Variants in COL6A5 observed in about 807,000 individuals in gnomAD.
The protein encoded by COL6A5 is collagen alpha-5(VI) chain.
A neutral mutation model predicts 65.6 loss-of-function variants in COL6A5; 48 were observed. That is an observed-to-expected ratio of 0.73 (90% confidence interval 0.58 to 0.93). COL6A5 has a LOEUF of 0.93. Ranked by LOEUF, COL6A5 falls within the 40% of genes least tolerant of loss-of-function variation. COL6A5 has a pLI of 0.00. For missense variants in COL6A5, 914 were observed against 928.3 expected (o/e 0.98, Z 0.20); for synonymous variants, 291 against 322.8 (o/e 0.90, Z 1.05).
chr3:130,398,867 T>A lies in COL6A5; in HGVS notation c.3991+756T>A, dbSNP rs1936709497. Among the ~76,000 whole-genome samples the A allele has an allele frequency of 5.3e-5, 8 of 152,312 alleles. No homozygotes were observed. The South Asian group carries it at 1.7e-3, about 32-fold the overall frequency. On this transcript the variant is annotated intron_variant and NMD_transcript_variant, in intron 10 of 41. Transcript: ENST00000312481. ...GAGATGTATCCCTGGTTACAACATC[T>A]CCTTCCCTTTTCTGCTCTCTCAATA...
intron 2 of COL6A5, among the ~76,000 whole-genome samples, chr3:130,374,591 C>T (rs1935694147): frequency 6.6e-6 from 1 of 152,082 alleles, no homozygotes; most frequent in Admixed American, 6.5e-5. Flanking sequence ...ATAGCTGGGA[C>T]TACAAGTGCA....
chr3:130,361,198 C>G (rs1159086270), intron 1 of COL6A5, among the ~76,000 whole-genome samples: 4 of 152,030 alleles, frequency 2.6e-5, no homozygotes, highest in African/African-American at 9.7e-5. Context: ...ATGATAGGAT[C>G]AGACAGAATA....
intron 4 of COL6A5, among the ~76,000 whole-genome samples, chr3:130,449,643 G>C (rs539003060): frequency 2.1e-4 from 32 of 152,200 alleles, no homozygotes; most frequent in African/African-American, 7.5e-4. Flanking sequence ...TTTTTTCCTC[G>C]AATGTGTATG....
intron 1 of COL6A5, among the ~76,000 whole-genome samples, chr3:130,437,944 G>T (rs1474250470): frequency 6.6e-6 from 1 of 151,918 alleles, no homozygotes; most frequent in African/African-American, 2.4e-5. Context: ...TTATGTTGAT[G>T]ATATAGCTTT....
At chr3:130,389,827 T>G (rs1415731685) in intron 6 of COL6A5, among the ~76,000 whole-genome samples, 2 of 152,170 alleles carry the variant, frequency 1.3e-5, no homozygotes, top group Non-Finnish European at 2.9e-5. Context: ...TTTCTCTCAA[T>G]CCACACATAG....
chr3:130,399,845 C>G (rs1936756130), intron 10 of COL6A5, among the ~76,000 whole-genome samples: 1 of 152,000 alleles, frequency 6.6e-6, no homozygotes, highest in Admixed American at 6.6e-5. Flanking sequence ...CTCTGCCTCC[C>G]AGGTTCAAGC....
intron 7 of COL6A5, among the ~76,000 whole-genome samples, chr3:130,392,627 C>T (rs1577461237): frequency 2.0e-5 from 3 of 152,142 alleles, no homozygotes; most frequent in African/African-American, 4.8e-5. Context: ...CTCCTTTATT[C>T]CTTCCTTTCT....
intron 20 of COL6A5, among the ~76,000 whole-genome samples, chr3:130,413,314 T>G (rs1008105178): frequency 6.6e-6 from 1 of 151,902 alleles, no homozygotes; most frequent in African/African-American, 2.4e-5. Flanking sequence ...GCTGTCAGAC[T>G]GGAGCTGGGT....
At chr3:130,416,699 A>G in intron 23 of COL6A5, 58 bp from the exon 24 acceptor site, 1 of 960,694 alleles carries the variant, frequency 1.0e-6, no homozygotes. Flanking sequence ...AATGTTTCTA[A>G]TGGGCTTTCT....
chr3:130,405,620 C>A lies in COL6A5; in HGVS notation c.4314C>A (p.Asp1438Glu), dbSNP rs766345438. Residue 1438 changes from aspartate (D) to glutamate (E), a missense_variant and NMD_transcript_variant, in exon 14 of 42, where the codon GAC (aspartate) becomes GAA (glutamate). Physicochemically the swap from Asp to Glu is conservative, Grantham distance 45. Transcript: ENST00000312481. ...GAGGAGACACAGGACCCCAAGGAGA[C>A]AAAGGGATTGCAGGATGTCCAGGGG... The A allele has an allele frequency of 9.0e-6, 14 of 1,550,744 alleles. 1 individual carries two copies. In the South Asian group the frequency reaches 1.5e-4, roughly 17 times the overall value.
At chr3:130,371,745 T>G (rs905575461) in intron 1 of COL6A5, among the ~76,000 whole-genome samples, 1 of 152,106 alleles carries the variant, frequency 6.6e-6, no homozygotes, top group East Asian at 1.9e-4. Flanking sequence ...TACAAGTAAC[T>G]CTTCATGACT....
intron 13 of COL6A5, 37 bp downstream of exon 13, chr3:130,403,699 CACACACTGT>C: frequency 6.8e-7 from 1 of 1,468,556 alleles, no homozygotes; most frequent in East Asian, 2.5e-5. Context: ...CCCTGTTGCA[CACACACTGT>C]ACACACACAC....
chr3:130,384,848 G>A, exon 5 of COL6A5: 1 of 1,549,934 alleles, frequency 6.5e-7, no homozygotes, highest in Non-Finnish European at 8.7e-7. Flanking sequence ...CCTCATTGAT[G>A]GCTCAAGCAG....
At chr3:130,354,433 C>T (rs1202951252) in intron 1 of COL6A5, among the ~76,000 whole-genome samples, 1 of 152,120 alleles carries the variant, frequency 6.6e-6, no homozygotes, top group Admixed American at 6.5e-5. Context: ...ATTGGGTATG[C>T]AAAACCCCAC....
intron 7 of COL6A5, among the ~76,000 whole-genome samples, chr3:130,473,107 C>T (rs1318844338): frequency 6.6e-6 from 1 of 151,534 alleles, no homozygotes. Context: ...ATATATGGTT[C>T]TCATCAAAAT....
intron 4 of COL6A5, 90 bp downstream of exon 4, chr3:130,380,140 A>T (rs1935947206): frequency 2.1e-6 from 2 of 975,576 alleles, no homozygotes; most frequent in African/African-American, 3.3e-5. Flanking sequence ...CTGTAATTGG[A>T]TAAAGGAACT....
intron 27 of COL6A5, 41 bp from the exon 28 acceptor site, chr3:130,422,679 A>C: frequency 1.6e-6 from 2 of 1,286,592 alleles, no homozygotes; most frequent in South Asian, 2.7e-5. Context: ...CTTTCATAGC[A>C]AATACTTTAA....
chr3:130,397,963 C>G (rs558846666), intron 9 of COL6A5, 40 bp downstream of exon 9: 2 of 1,543,602 alleles, frequency 1.3e-6, no homozygotes, highest in East Asian at 4.9e-5. Flanking sequence ...CCACATTCTC[C>G]CATTTGTTCT....
chr3:130,383,372 A>C (rs1404432882), intron 4 of COL6A5, among the ~76,000 whole-genome samples: 1 of 152,018 alleles, frequency 6.6e-6, no homozygotes, highest in Non-Finnish European at 1.5e-5. Flanking sequence ...GGCAGGGATG[A>C]ATGGGCATTG....
Sources: gnomAD v4.1 joint callset for allele counts (sites outside exome capture counted in the v4.1 genomes callset) on GRCh38, gnomAD v4.1.1 for gene constraint, MANE v1.5 for transcripts, NCBI Gene and HGNC (gene_info 2026-07-23, HGNC 2026-07-21) for gene names.